Variants in KIR3DL1 observed in about 807,000 individuals in gnomAD.
The protein encoded by KIR3DL1 is killer cell immunoglobulin like receptor, three Ig domains and long cytoplasmic tail 1, also known as killer cell immunoglobulin-like receptor 3DL1.
A neutral mutation model predicts 40.3 loss-of-function variants in KIR3DL1; 50 were observed. The ratio of observed to expected loss-of-function variants is 1.24; its 90% confidence interval spans 0.99 to 1.57. KIR3DL1 has a LOEUF of 1.57. KIR3DL1 is among the 40% of genes most tolerant of loss of function. The pLI is 0.00. For missense variants in KIR3DL1, 661 were observed against 559.9 expected, an observed-to-expected ratio of 1.18 and a Z score of -1.82; for synonymous variants, 257 against 207.2, an observed-to-expected ratio of 1.24 and a Z score of -2.07.
chr19:54,821,069 G>A (rs1278134841), intron 4 of KIR3DL1, among the ~76,000 whole-genome samples: 1 of 149,834 alleles, frequency 6.7e-6, no homozygotes, highest in Non-Finnish European at 1.5e-5. Flanking sequence ...AGACAGAGAG[G>A]CAGACAGAGA....
At chr19:54,827,191 C>T (rs1051303622) in intron 6 of KIR3DL1, among the ~76,000 whole-genome samples, 2 of 143,658 alleles carry the variant, frequency 1.4e-5, no homozygotes, top group Admixed American at 7.0e-5. Context: ...TTAATCCTTG[C>T]TAAATTAATT....
intron 5 of KIR3DL1, among the ~76,000 whole-genome samples, chr19:54,824,041 C>T (rs615169): frequency 6.6e-6 from 1 of 150,528 alleles, no homozygotes; most frequent in African/African-American, 2.5e-5. Context: ...CCTATTTTGT[C>T]GGTTGTCTCT....
chr19:54,830,400 G>C, exon 9 of KIR3DL1: 3 of 1,148,268 alleles, frequency 2.6e-6, no homozygotes, highest in South Asian at 1.5e-5. Context: ...TTAGGGCATC[G>C]CTCCTCCTCA....
chr19:54,821,916 C>T, intron 5 of KIR3DL1, 58 bp downstream of exon 5: 1 of 1,540,394 alleles, frequency 6.5e-7, no homozygotes, highest in African/African-American at 1.4e-5. Flanking sequence ...AGCTAAGGAG[C>T]TTCCTGCTGA....
exon 3 of KIR3DL1, chr19:54,818,537 C>T: frequency 1.9e-6 from 3 of 1,611,666 alleles, no homozygotes; most frequent in Non-Finnish European, 1.7e-6. Flanking sequence ...TGTCGGGGTT[C>T]ACACCCACAC....
chr19:54,822,683 C>T (rs1348868738), intron 5 of KIR3DL1, among the ~76,000 whole-genome samples: 1 of 150,952 alleles, frequency 6.6e-6, no homozygotes, highest in African/African-American at 2.5e-5. Context: ...CCTTCCCTTC[C>T]TGGCCTCTGG....
At chr19:54,816,890 A>G (rs1431199343) in intron 1 of KIR3DL1, among the ~76,000 whole-genome samples, 1 of 120,782 alleles carries the variant, frequency 8.3e-6, no homozygotes. Flanking sequence ...GAGTGGAGAT[A>G]TGGGCCTGGA....
intron 5 of KIR3DL1, among the ~76,000 whole-genome samples, chr19:54,822,618 A>T (rs1342915271): frequency 1.3e-5 from 2 of 149,894 alleles, no homozygotes; most frequent in African/African-American, 5.0e-5. Flanking sequence ...ACAGAGAGAG[A>T]CTCTGTTTCT....
rs750863130 is a variant in KIR3DL1 at position 54,818,385 on chromosome 19, T to C, written c.141T>C (p.Leu47=). Reference sequence around the variant, plus strand: ...TGCCTCGAGGAGGACACGTGACTCTTCGGTGTCACTATCGTCATAGGTTTA... The same window carrying C: ...TGCCTCGAGGAGGACACGTGACTCTCCGGTGTCACTATCGTCATAGGTTTA... Residue 47 remains leucine (L), a synonymous_variant, in exon 3 of 9, where the codon CTT becomes CTC. Coordinates refer to ENST00000391728, the Ensembl canonical transcript of KIR3DL1. 5.6e-6 allele frequency: 9 copies of C among 1,607,034 alleles called. 1 individual carries two copies. Among genetic ancestry groups the C allele is most frequent in the Non-Finnish European group, 5.9e-6 (7 of 1,178,236 alleles).
intron 6 of KIR3DL1, among the ~76,000 whole-genome samples, chr19:54,826,002 T>A (rs1305619685): frequency 1.3e-5 from 2 of 151,236 alleles, no homozygotes; most frequent in Non-Finnish European, 2.9e-5. Context: ...CATCATAATC[T>A]CCCGGAAATC....
exon 9 of KIR3DL1, chr19:54,830,258 G>A (rs778020788): frequency 1.3e-6 from 2 of 1,523,012 alleles, no homozygotes; most frequent in Non-Finnish European, 1.8e-6. Context: ...CAGATCCAAA[G>A]TTGTCTCCTG....
intron 3 of KIR3DL1, 90 bp from the exon 4 acceptor site, chr19:54,819,623 A>AC (rs1281258067): frequency 2.4e-5 from 35 of 1,440,458 alleles, no homozygotes; most frequent in Middle Eastern, 5.1e-4. Context: ...AGAGAGACAG[A>AC]CACGGGGAGG....
rs1414944007 is a variant in KIR3DL1 at position 54,817,580 on chromosome 19, C to T, written c.70+11C>T. 1.3e-5 allele frequency: 19 copies of T among 1,509,252 alleles called. 2 individuals carry two copies. The highest frequency in any genetic ancestry group is 1.6e-5 in the Non-Finnish European group (18 of 1,108,226). The allele number at this position is 1,509,252 out of a possible 1,614,324, so 93.5% of individuals were successfully genotyped here. A position where few individuals can be genotyped will look rare whatever the true frequency, so the allele number is the denominator to read the frequency against. ...CCGGTCCACACATGGGTGAGTCCTT[C>T]CCCAAACCTTAGGGTGTCATCTCCC... On this transcript the variant is annotated intron_variant, in intron 2 of 8. Coordinates refer to ENST00000391728, the Ensembl canonical transcript of KIR3DL1.
At chr19:54,817,260 C>A (rs2061395349) in intron 1 of KIR3DL1, among the ~76,000 whole-genome samples, 2 of 144,182 alleles carry the variant, frequency 1.4e-5, no homozygotes. Flanking sequence ...ACTTACCAGC[C>A]TGGAGAGGAG....
At chr19:54,818,454 C>G in exon 3 of KIR3DL1, 1 of 1,608,324 alleles carries the variant, frequency 6.2e-7, no homozygotes, top group East Asian at 2.2e-5. Flanking sequence ...ACATTCCCAT[C>G]TTCCATGGCA....
chr19:54,819,950 C>T, exon 4 of KIR3DL1: 6 of 1,611,946 alleles, frequency 3.7e-6, no homozygotes, highest in Non-Finnish European at 5.1e-6. Context: ...TGCTACGGTT[C>T]TGTTACTCAC....
intron 1 of KIR3DL1, among the ~76,000 whole-genome samples, 168 bp from the exon 2 acceptor site, chr19:54,817,366 A>G (rs2061402538): frequency 6.9e-6 from 1 of 144,390 alleles, no homozygotes; most frequent in Non-Finnish European, 1.5e-5. Context: ...CTGGAGGCTC[A>G]GTCTCTGCAC....
In KIR3DL1 at chr19:54,824,688, A is replaced by T. The variant is rs563970512; in HGVS notation, c.950-340A>T. ...AAGATTCTATCACACACACACACAA[A>T]AAAAGCCATTGGATGTAAATGCATG... On this transcript the variant is annotated intron_variant, in intron 5 of 8. Transcript: ENST00000391728. Among the ~76,000 whole-genome samples, 37 of 150,264 alleles carry T rather than the reference A, an allele frequency of 2.5e-4. 1 individual carries two copies. In the South Asian group the frequency reaches 7.9e-3, roughly 32 times the overall value.
At chr19:54,817,380 C>T (rs369389235) in intron 1 of KIR3DL1, among the ~76,000 whole-genome samples, 154 bp from the exon 2 acceptor site, 3 of 145,344 alleles carry the variant, frequency 2.1e-5, no homozygotes, top group African/African-American at 7.9e-5. Flanking sequence ...TCTGCACAGC[C>T]GAGATCCTTG....
Sources: gnomAD v4.1 joint callset for allele counts (sites outside exome capture counted in the v4.1 genomes callset) on GRCh38, gnomAD v4.1.1 for gene constraint, MANE v1.5 for transcripts, NCBI Gene and HGNC (gene_info 2026-07-23, HGNC 2026-07-21) for gene names.